The following LRRC69 variants were observed in gnomAD, a reference collection of about 807,000 sequenced individuals.
LRRC69 encodes the protein leucine-rich repeat-containing protein 69.
In LRRC69, 42 loss-of-function variants were observed where a neutral mutation model predicts 37.8. The observed-to-expected ratio is 1.11, with a 90% CI of 0.87 to 1.44. LRRC69 has a LOEUF of 1.44. Among genes scored for constraint, LRRC69 ranks in the 40% most tolerant of loss-of-function variants. LRRC69 has a pLI of 0.00. For synonymous variants in LRRC69, 141 were observed against 143.1 expected (o/e 0.99, Z 0.11); for missense variants, 357 against 401.9 (o/e 0.89, Z 0.96).
intron 5 of LRRC69, chr8:91,158,577 AG>A: frequency 7.7e-7 from 1 of 1,302,176 alleles, no homozygotes; most frequent in Non-Finnish European, 1.1e-6. Flanking sequence ...ATACAAGCAC[AG>A]GGGTGTTTAT....
At chr8:91,209,064 A>C (rs1230921492) in intron 7 of LRRC69, among the ~76,000 whole-genome samples, 2 of 152,168 alleles carry the variant, frequency 1.3e-5, no homozygotes, top group Non-Finnish European at 2.9e-5. Context: ...AGCACTGAAA[A>C]ATCAAAAGAG....
At chr8:91,212,627 A>G (rs1242642435) in intron 7 of LRRC69, among the ~76,000 whole-genome samples, 1 of 152,198 alleles carries the variant, frequency 6.6e-6, no homozygotes, top group Non-Finnish European at 1.5e-5. Flanking sequence ...ACTTTGTAGT[A>G]AAAAGTTATT....
At chr8:91,169,472 G>C (rs966258277) in intron 5 of LRRC69, among the ~76,000 whole-genome samples, 2 of 151,770 alleles carry the variant, frequency 1.3e-5, no homozygotes, top group African/African-American at 4.8e-5. Flanking sequence ...AATTACTGAA[G>C]AGTTTCCTGA....
intron 5 of LRRC69, among the ~76,000 whole-genome samples, chr8:91,160,920 T>A (rs539191744): frequency 6.6e-6 from 1 of 151,428 alleles, no homozygotes; most frequent in East Asian, 1.9e-4. Flanking sequence ...ACTATGATTT[T>A]ACTGTGGGTT....
chr8:91,157,516 T>A, intron 5 of LRRC69: 11 of 1,550,106 alleles, frequency 7.1e-6, no homozygotes, highest in Non-Finnish European at 9.8e-6. Flanking sequence ...CAAGGAGTTC[T>A]ATTTGTTTCC....
At chr8:91,107,484 A>G (rs1387577216) in intron 1 of LRRC69, among the ~76,000 whole-genome samples, 2 of 151,956 alleles carry the variant, frequency 1.3e-5, no homozygotes, top group African/African-American at 2.4e-5. Flanking sequence ...TCTTGCATCT[A>G]TGCTGTTCCC....
intron 5 of LRRC69, chr8:91,158,715 T>TA (rs1808883438): frequency 2.8e-6 from 3 of 1,078,018 alleles, no homozygotes; most frequent in Non-Finnish European, 4.3e-6. Flanking sequence ...GGAAACCACT[T>TA]ACATTGTTCT....
intron 1 of LRRC69, 89 bp downstream of exon 1, chr8:91,102,933 A>C: frequency 8.2e-7 from 1 of 1,224,224 alleles, no homozygotes; most frequent in Non-Finnish European, 1.1e-6. Flanking sequence ...GAACAATAAC[A>C]CTTCGATCTA....
At chr8:91,114,463 A>ATG in intron 1 of LRRC69, among the ~76,000 whole-genome samples, 1 of 96,572 alleles carries the variant, frequency 1.0e-5, no homozygotes, top group Non-Finnish European at 2.5e-5. Flanking sequence ...GTGTATATAT[A>ATG]TATGTATGTA....
At chr8:91,108,896 A>G (rs780808897) in intron 1 of LRRC69, among the ~76,000 whole-genome samples, 1 of 151,972 alleles carries the variant, frequency 6.6e-6, no homozygotes, top group East Asian at 1.9e-4. Flanking sequence ...GACCATGAGC[A>G]GAGACTTCCC....
intron 5 of LRRC69, among the ~76,000 whole-genome samples, chr8:91,172,715 A>G (rs1809154634): frequency 6.6e-6 from 1 of 151,726 alleles, no homozygotes; most frequent in South Asian, 2.1e-4. Context: ...GCGTTTCTCC[A>G]TGTTGCTCAG....
intron 6 of LRRC69, among the ~76,000 whole-genome samples, chr8:91,196,575 C>G (rs1401217477): frequency 2.6e-5 from 4 of 152,156 alleles, no homozygotes; most frequent in Non-Finnish European, 5.9e-5. Context: ...AACTTCCCTT[C>G]TTGCTTCATT....
Position 91,102,849 on chromosome 8 carries a change from G to A in LRRC69, c.183+5G>A. 1 of 1,538,020 alleles carries A rather than the reference G, an allele frequency of 6.5e-7. No individual in the cohort carries two copies. The highest frequency in any genetic ancestry group is 8.8e-7 in the Non-Finnish European group (1 of 1,141,482). ...GAGTTATGCAACTTGACCCAGGTGA[G>A]GAACAGTGTTTTGCTGTTGTGGTTT... On this transcript the variant is annotated splice_donor_5th_base_variant and intron_variant, in intron 1 of 7. Coordinates refer to ENST00000448384, the Ensembl canonical transcript of LRRC69.
chr8:91,170,952 G>A (rs1358043527), intron 5 of LRRC69, among the ~76,000 whole-genome samples: 6 of 142,278 alleles, frequency 4.2e-5, no homozygotes, highest in African/African-American at 1.6e-4. Flanking sequence ...ACTACCATCA[G>A]AGTGAACAGG....
chr8:91,198,793 C>T lies in LRRC69; in HGVS notation c.754-1820C>T, dbSNP rs541535736. 5.9e-5 allele frequency among the ~76,000 whole-genome samples: 9 copies of T among 152,148 alleles called. No homozygotes were observed. In the South Asian group the frequency reaches 1.9e-3, roughly 32 times the overall value. ...TTAAATTGTATACTCTCAAAAATTG[C>T]ACTGAATGCATCTCTAAGAGATGTC... On this transcript the variant is annotated intron_variant, in intron 6 of 7. Coordinates refer to ENST00000448384, the Ensembl canonical transcript of LRRC69.
chr8:91,195,151 GT>G (rs1809573373), intron 6 of LRRC69, among the ~76,000 whole-genome samples: 2 of 152,132 alleles, frequency 1.3e-5, no homozygotes, highest in Admixed American at 1.3e-4. Flanking sequence ...TAGTTGAGCG[GT>G]TTTGAGTGAG....
rs201227807 is a variant in LRRC69 at position 91,125,077 on chromosome 8, A to AT, written c.310+465dup. ...AGAAAAGATATGAGATCCAATAAGC[A>AT]TTTTTTTCTTTCTTTTTCCCATTAA... On this transcript the variant is annotated intron_variant, in intron 2 of 7. Transcript: ENST00000448384. 5.0e-3 allele frequency among the ~76,000 whole-genome samples: 753 copies of AT among 151,834 alleles called. 7 individuals are homozygous for AT. The highest frequency in any genetic ancestry group is 0.017 in the African/African-American group (722 of 41,510).
Position 91,114,002 on chromosome 8 carries a change from G to C in LRRC69, c.184-10491G>C, listed in dbSNP as rs571710007. Among the ~76,000 whole-genome samples, 791 of 124,776 alleles carry C rather than the reference G, an allele frequency of 6.3e-3. 5 individuals carry two copies. The highest frequency in any genetic ancestry group is 0.018 in the Middle Eastern group (4 of 220). 81.9% of individuals were successfully genotyped at this position (124,776 alleles called of 152,430 possible). ...AAAAAAAAAAAAAAAAAAGGTAAAG[G>C]ACCTGAATAGCCATTTTTCAAAAGA... On this transcript the variant is annotated intron_variant, in intron 1 of 7. Coordinates refer to ENST00000448384, the Ensembl canonical transcript of LRRC69.
chr8:91,183,265 T>C (rs577460440), intron 5 of LRRC69, among the ~76,000 whole-genome samples: 3 of 152,302 alleles, frequency 2.0e-5, no homozygotes, highest in Admixed American at 2.0e-4. Context: ...ATGACAGACA[T>C]ACTGGAGGGA....
Sources: allele counts gnomAD v4.1 joint callset (sites outside exome capture counted in the v4.1 genomes callset), GRCh38; gene constraint gnomAD v4.1.1; transcripts MANE v1.5; gene names NCBI Gene and HGNC (gene_info 2026-07-23, HGNC 2026-07-21).